SWT1: variants seen among roughly 807,000 people sequenced by gnomAD.
SWT1 encodes the protein transcriptional protein SWT1.
A neutral mutation model predicts 107.3 loss-of-function variants in SWT1; 33 were observed. The ratio of observed to expected loss-of-function variants is 0.31; its 90% CI spans 0.23 to 0.41. The LOEUF (loss-of-function observed/expected upper bound fraction) is 0.41, where lower values mean the gene tolerates loss of function less well. Among genes scored for constraint, SWT1 ranks in the 10% least tolerant of loss-of-function variants. The pLI is 1.00. For missense variants in SWT1, 898 were observed against 1,028.9 expected (o/e 0.87, Z 1.74); for synonymous variants, 345 against 348.3 (o/e 0.99, Z 0.11).
intron 5 of SWT1, among the ~76,000 whole-genome samples, chr1:185,175,572 T>G (rs1025762365): frequency 2.6e-5 from 4 of 152,196 alleles, no homozygotes; most frequent in African/African-American, 9.7e-5. Context: ...GATGGCTGAT[T>G]CAAATTTATT....
chr1:185,272,282 T>C (rs1483993235), intron 17 of SWT1, among the ~76,000 whole-genome samples: 1 of 152,216 alleles, frequency 6.6e-6, no homozygotes, highest in Non-Finnish European at 1.5e-5. Flanking sequence ...CCGAAGCGGG[T>C]ATTCTGTTGT....
At chr1:185,165,178 G>A (rs1351089033) in intron 2 of SWT1, among the ~76,000 whole-genome samples, 1 of 152,136 alleles carries the variant, frequency 6.6e-6, no homozygotes, top group Non-Finnish European at 1.5e-5. Flanking sequence ...AGTGAAGTTT[G>A]CTGTCTCATA....
chr1:185,250,492 G>A (rs935424278), intron 16 of SWT1, among the ~76,000 whole-genome samples: 8 of 151,994 alleles, frequency 5.3e-5, no homozygotes, highest in East Asian at 1.9e-4. Context: ...TTTCTTACAT[G>A]TATCTCCAGA....
intron 5 of SWT1, among the ~76,000 whole-genome samples, chr1:185,178,205 A>C (rs1334892375): frequency 1.3e-5 from 2 of 152,208 alleles, no homozygotes; most frequent in Non-Finnish European, 2.9e-5. Context: ...GTAGAGGGCC[A>C]GTGTATGTAA....
chr1:185,290,787 T>C lies in SWT1; in HGVS notation c.2687T>C (p.Leu896Pro). Residue 896 changes from leucine (L) to proline (P), a missense_variant, in exon 19 of 19, where the codon CTC becomes CCC. By Grantham distance (98) the Leu-to-Pro change is moderately conservative. This residue lies in a region of SWT1 where 382 missense variants were observed against 460.0 expected (regional missense o/e 0.83). Coordinates refer to ENST00000367500, the MANE Select transcript of SWT1 (RefSeq NM_017673.7). ...AACAGGGGATGGTGTGAAGACATGC[T>C]CAACTATAGGATATAAGTACTGATT... The part of the protein sequence containing the change: ...AKNRGWCEDM[L>P]NYRI 6.2e-7 allele frequency: 1 copy of C among 1,609,516 alleles called. No homozygotes were observed. Among genetic ancestry groups the C allele is most frequent in the African/African-American group, 1.3e-5 (1 of 74,884 alleles).
chr1:185,235,401 G>T (rs1187222161), intron 16 of SWT1, among the ~76,000 whole-genome samples: 1 of 152,160 alleles, frequency 6.6e-6, no homozygotes, highest in Non-Finnish European at 1.5e-5. Context: ...TGCAAGGCTG[G>T]TTCAACATAC....
intron 15 of SWT1, among the ~76,000 whole-genome samples, chr1:185,223,260 C>T (rs1659808925): frequency 6.6e-6 from 1 of 152,030 alleles, no homozygotes; most frequent in Admixed American, 6.6e-5. Context: ...CGCTCTGTCA[C>T]CCAGGTGGTA....
chr1:185,185,367 G>C (rs1040068877), intron 9 of SWT1, among the ~76,000 whole-genome samples: 4 of 152,090 alleles, frequency 2.6e-5, no homozygotes, highest in African/African-American at 9.7e-5. Flanking sequence ...CAATAAAGTA[G>C]TGTATAGATT....
rs1036739298 is a variant in SWT1, at chr1:185,157,498, C to G, written c.-10+184C>G. On this transcript the variant is annotated intron_variant, in intron 1 of 18. Transcript: ENST00000367500. The stretch of plus-strand genomic sequence containing the variant: ...CTCCGTGGAGGGTGTGGTTCTGGCC[C>G]GGCTTGCCTCCGGGGCTGCCCCTTG... 9 of 152,650 alleles carry G rather than the reference C, an allele frequency of 5.9e-5. No homozygotes were observed. In the East Asian group the frequency reaches 1.4e-3, roughly 23 times the overall value. The allele number at this position is 152,650 out of a possible 1,614,324, so 9.5% of individuals were successfully genotyped here.
At chr1:185,228,652 C>CT (rs1660275240) in intron 15 of SWT1, among the ~76,000 whole-genome samples, 1 of 152,096 alleles carries the variant, frequency 6.6e-6, no homozygotes, top group Non-Finnish European at 1.5e-5. Flanking sequence ...TTTTTTCATA[C>CT]TTTCAGGCAC....
chr1:185,165,334 C>T (rs1205920853), intron 2 of SWT1, among the ~76,000 whole-genome samples: 1 of 152,134 alleles, frequency 6.6e-6, no homozygotes, highest in Admixed American at 6.5e-5. Flanking sequence ...GAAGTGAGCA[C>T]ATACTGTTGG....
intron 5 of SWT1, chr1:185,176,697 G>T: frequency 1.0e-6 from 1 of 985,206 alleles, no homozygotes; most frequent in Non-Finnish European, 1.2e-6. Flanking sequence ...TAAGACTGTG[G>T]ACTGTGGCCA....
At chr1:185,254,121 G>A (rs1662280289) in intron 16 of SWT1, among the ~76,000 whole-genome samples, 1 of 110,012 alleles carries the variant, frequency 9.1e-6, no homozygotes. Context: ...GCATCCCAGG[G>A]ATGAAGCCCA....
intron 15 of SWT1, chr1:185,227,705 C>T (rs1370270317): frequency 2.0e-5 from 11 of 548,818 alleles, no homozygotes; most frequent in Non-Finnish European, 2.7e-5. Context: ...CCCCATCCTG[C>T]AGAACAGAGA....
intron 13 of SWT1, among the ~76,000 whole-genome samples, chr1:185,210,918 C>G (rs1427527225): frequency 6.6e-6 from 1 of 152,066 alleles, no homozygotes; most frequent in Non-Finnish European, 1.5e-5. Flanking sequence ...AACAGAGAGC[C>G]AAATCATGCG....
chr1:185,214,352 A>G lies in SWT1; in HGVS notation c.1973-155A>G, dbSNP rs183136765. Among the ~76,000 whole-genome samples the G allele has an allele frequency of 1.8e-4, 27 of 152,294 alleles. No individual in the cohort carries two copies. The East Asian group carries it at 5.2e-3, about 29-fold the overall frequency. On this transcript the variant is annotated intron_variant, in intron 13 of 18. Coordinates refer to ENST00000367500, the MANE Select transcript of SWT1 (RefSeq NM_017673.7). ...TATCTATAACTAAATCTATTTAATTATTGCTTTTTGTACCAGAGGGATAAC... is the reference window on the plus strand; with the variant it reads ...TATCTATAACTAAATCTATTTAATTGTTGCTTTTTGTACCAGAGGGATAAC...
intron 18 of SWT1, among the ~76,000 whole-genome samples, chr1:185,278,243 G>A (rs1349849485): frequency 6.6e-6 from 1 of 152,170 alleles, no homozygotes; most frequent in East Asian, 1.9e-4. Flanking sequence ...GATAGTATCA[G>A]AAGATGGGGC....
intron 10 of SWT1, among the ~76,000 whole-genome samples, chr1:185,194,307 T>G (rs1201168891): frequency 1.3e-5 from 2 of 152,220 alleles, no homozygotes; most frequent in African/African-American, 4.8e-5. Flanking sequence ...ATCTACCATT[T>G]TGCAAATAAT....
intron 10 of SWT1, among the ~76,000 whole-genome samples, chr1:185,193,026 C>A (rs547050353): frequency 6.6e-6 from 1 of 152,166 alleles, no homozygotes; most frequent in African/African-American, 2.4e-5. Context: ...TATTTGGTAC[C>A]GCTATAACTG....
Sources: allele counts gnomAD v4.1 joint callset (sites outside exome capture counted in the v4.1 genomes callset), GRCh38; gene constraint gnomAD v4.1.1; regional missense constraint gnomAD v4.1.1; transcripts MANE v1.5; gene names NCBI Gene and HGNC (gene_info 2026-07-23, HGNC 2026-07-21).